Variants in PCDHA8 observed in about 807,000 individuals in gnomAD.
PCDHA8 encodes the protein protocadherin alpha-8.
Under a neutral mutation model 61.8 loss-of-function variants are expected in PCDHA8, and 53 were observed. The observed-to-expected ratio is 0.86, with a 90% CI of 0.69 to 1.08. PCDHA8 has a LOEUF of 1.08. Among genes scored for constraint, PCDHA8 ranks in the 50% least tolerant of loss-of-function variants. The pLI is 0.00. For missense variants in PCDHA8, 1,293 were observed against 1,245.0 expected, an observed-to-expected ratio of 1.04 and a Z score of -0.58; for synonymous variants, 618 against 556.6, an observed-to-expected ratio of 1.11 and a Z score of -1.55.
chr5:140,877,727 A>C, intron 1 of PCDHA8: 1 of 1,614,136 alleles, frequency 6.2e-7, no homozygotes, highest in South Asian at 1.1e-5. Flanking sequence ...TCTTACTCGC[A>C]GCAGAGGAGG....
intron 1 of PCDHA8, among the ~76,000 whole-genome samples, chr5:140,910,954 G>A (rs183183329): frequency 3.4e-4 from 51 of 152,174 alleles, no homozygotes; most frequent in Admixed American, 7.2e-4. Flanking sequence ...CTTTTCGAGT[G>A]TAGCACACCT....
chr5:140,929,681 AAG>A, intron 1 of PCDHA8: 1 of 302,408 alleles, frequency 3.3e-6, no homozygotes, highest in Non-Finnish European at 6.3e-6. Flanking sequence ...AAAAATATGT[AAG>A]AGTCTGCTTT....
Position 140,953,715 on chromosome 5 carries a change from A to T in PCDHA8, c.2395-25234A>T, listed in dbSNP as rs535385036. Among the ~76,000 whole-genome samples the T allele has an allele frequency of 2.6e-5, 4 of 152,312 alleles. No homozygotes were observed. The South Asian group carries it at 6.2e-4, about 24-fold the overall frequency. On this transcript the variant is annotated intron_variant, in intron 1 of 3. Transcript: ENST00000531613. ...TGATCTACTAGACTGAGCTTCAGAC[A>T]TTGTGTTTTGAAATTTTTGCTTAAC...
At chr5:140,908,103 TC>T (rs1554193224) in intron 1 of PCDHA8, among the ~76,000 whole-genome samples, 2 of 152,192 alleles carry the variant, frequency 1.3e-5, no homozygotes, top group Non-Finnish European at 2.9e-5. Flanking sequence ...TGAAGTTCTG[TC>T]CACTGGGAAG....
rs114148884 is a variant in PCDHA8 at position 140,924,440 on chromosome 5, C to T, written c.2395-54509C>T. ...CTTTCTAGTTCCCTAGAAGAGATAA[C>T]GAATGGGTTTGTGTGTTTAGGGAGG... On this transcript the variant is annotated intron_variant, in intron 1 of 3. Coordinates refer to ENST00000531613, the MANE Select transcript of PCDHA8 (RefSeq NM_018911.3). Among the ~76,000 whole-genome samples, 538 of 152,252 alleles carry T rather than the reference C, an allele frequency of 3.5e-3. 4 individuals are homozygous for T. Among genetic ancestry groups the T allele is most frequent in the African/African-American group, 0.012 (480 of 41,540 alleles).
chr5:140,900,534 T>C (rs1583392378), intron 1 of PCDHA8, among the ~76,000 whole-genome samples: 1 of 152,202 alleles, frequency 6.6e-6, no homozygotes, highest in Admixed American at 6.5e-5. Context: ...ACCTCGGCTT[T>C]CCAAAGTGCT....
rs368334312 is a variant in PCDHA8 at position 140,876,999 on chromosome 5, G to A, written c.2394+33284G>A. The A allele has an allele frequency of 1.6e-5, 26 of 1,612,428 alleles. No homozygotes were observed. In the African/African-American group the frequency reaches 3.1e-4, roughly 19 times the overall value. ...AGCACGCACTGTCGAGCTACGTGTC[G>A]GTGCACGCGGAGAGCGGCAAGGTGT... On this transcript the variant is annotated intron_variant, in intron 1 of 3. Coordinates refer to ENST00000531613, the MANE Select transcript of PCDHA8 (RefSeq NM_018911.3).
intron 1 of PCDHA8, among the ~76,000 whole-genome samples, chr5:140,960,125 G>A (rs2153724181): frequency 6.6e-6 from 1 of 152,336 alleles, no homozygotes; most frequent in East Asian, 1.9e-4. Context: ...TATTCCTTAT[G>A]AAATACTTAG....
rs1029317869 is a variant in PCDHA8 at position 140,928,735 on chromosome 5, A to G, written c.2395-50214A>G. ...TAGTCTCTTTAGAATTTCAGCCAAT[A>G]TAGGTGAGCTCCGTACTGCTCGCTT... On this transcript the variant is annotated intron_variant, in intron 1 of 3. Coordinates refer to ENST00000531613, the MANE Select transcript of PCDHA8 (RefSeq NM_018911.3). 35 of 1,614,082 alleles carry G rather than the reference A, an allele frequency of 2.2e-5. No individual in the cohort carries two copies. The highest frequency in any genetic ancestry group is 2.9e-5 in the Non-Finnish European group (34 of 1,180,020).
chr5:140,992,698 A>G (rs764226558), intron 3 of PCDHA8, among the ~76,000 whole-genome samples: 4 of 152,094 alleles, frequency 2.6e-5, no homozygotes, highest in Non-Finnish European at 4.4e-5. Flanking sequence ...GGGGTGGGTA[A>G]TGTTCCTGCC....
chr5:140,998,241 T>C (rs1554256206), intron 3 of PCDHA8, among the ~76,000 whole-genome samples: 1 of 152,194 alleles, frequency 6.6e-6, no homozygotes, highest in African/African-American at 2.4e-5. Context: ...TGCATTATTA[T>C]ACTCATTTTA....
chr5:140,863,770 G>A (rs953823411), intron 1 of PCDHA8: 6 of 240,128 alleles, frequency 2.5e-5, no homozygotes, highest in Non-Finnish European at 4.1e-5. Context: ...AAGCCGAGGC[G>A]GGCGGATCAC....
intron 1 of PCDHA8, among the ~76,000 whole-genome samples, chr5:140,926,099 T>C (rs1364046229): frequency 6.6e-6 from 1 of 152,162 alleles, no homozygotes; most frequent in Non-Finnish European, 1.5e-5. Context: ...GCTCCTGGGA[T>C]ACAAGAGGGT....
In PCDHA8 at chr5:140,936,310, T is replaced by C. The variant is rs541948860; in HGVS notation, c.2395-42639T>C. 5.3e-5 allele frequency among the ~76,000 whole-genome samples: 8 copies of C among 152,318 alleles called. No individual in the cohort carries two copies. The South Asian group carries it at 1.4e-3, about 28-fold the overall frequency. ...TATAACATTGCTATCCAATAGAACT[T>C]TCTGACATGCTATAAATTTTCTCTA... On this transcript the variant is annotated intron_variant, in intron 1 of 3. Transcript: ENST00000531613.
chr5:140,980,058 A>C (rs1554241393), intron 2 of PCDHA8, among the ~76,000 whole-genome samples: 1 of 152,254 alleles, frequency 6.6e-6, no homozygotes, highest in Non-Finnish European at 1.5e-5. Context: ...ATTCAGAAGC[A>C]ATCAGTGAAG....
At position 140,869,859 on chromosome 5, in the gene PCDHA8, G is replaced by A. The variant is rs1368092611; in HGVS notation, c.2394+26144G>A. 4 of 1,610,412 alleles carry A rather than the reference G, an allele frequency of 2.5e-6. No homozygotes were observed. In the East Asian group the frequency reaches 8.9e-5, roughly 36 times the overall value. The stretch of plus-strand genomic sequence containing the variant: ...AATCAGAATATAAGGTGAGCCTTAT[G>A]GAAAATGCTGCTAAAGAAACTCTTG... On this transcript the variant is annotated intron_variant, in intron 1 of 3. Coordinates refer to ENST00000531613, the MANE Select transcript of PCDHA8 (RefSeq NM_018911.3).
At chr5:141,008,428 T>C (rs2098376052) in intron 3 of PCDHA8, among the ~76,000 whole-genome samples, 1 of 152,182 alleles carries the variant, frequency 6.6e-6, no homozygotes, top group Admixed American at 6.5e-5. Flanking sequence ...TGGGATCACT[T>C]TGCCCAGACA....
chr5:140,966,886 G>T, intron 1 of PCDHA8: 1 of 1,592,132 alleles, frequency 6.3e-7, no homozygotes. Context: ...CTGGCCCTGC[G>T]GCCTCCCAGC....
At chr5:140,928,624 C>T (rs782032190) in intron 1 of PCDHA8, 1 of 1,614,242 alleles carries the variant, frequency 6.2e-7, no homozygotes, top group Non-Finnish European at 8.5e-7. Context: ...CAGGACTGGA[C>T]ACTTGGTCAC....
Sources: gnomAD v4.1 joint callset for allele counts (sites outside exome capture counted in the v4.1 genomes callset) on GRCh38, gnomAD v4.1.1 for gene constraint, MANE v1.5 for transcripts, NCBI Gene and HGNC (gene_info 2026-07-23, HGNC 2026-07-21) for gene names.